The following M1AP variants were observed in gnomAD, a reference collection of about 807,000 sequenced individuals.
M1AP encodes meiosis 1 associated protein, also known as meiosis 1 arrest protein.
In M1AP, 39 loss-of-function variants were observed where a neutral mutation model predicts 51.2. The observed-to-expected ratio is 0.76, with a 90% CI of 0.59 to 1.00. The LOEUF is 1.00. Ranked by LOEUF, M1AP falls within the 50% of genes least tolerant of loss-of-function variation. The pLI, the probability that M1AP is intolerant of heterozygous loss-of-function variation, is 0.00. For missense variants in M1AP, 545 were observed against 641.2 expected (o/e 0.85, Z 1.62); for synonymous variants, 251 against 249.2 (o/e 1.01, Z -0.07).
intron 4 of M1AP, among the ~76,000 whole-genome samples, chr2:74,590,413 G>A (rs1679972638): frequency 7.3e-6 from 1 of 137,552 alleles, no homozygotes; most frequent in South Asian, 2.7e-4. Context: ...TCTATTTGGT[G>A]ATTAGATTTC....
chr2:74,635,135 TA>T, intron 2 of M1AP, among the ~76,000 whole-genome samples: 1 of 152,288 alleles, frequency 6.6e-6, no homozygotes, highest in Middle Eastern at 3.4e-3. Context: ...TTTCAAAATT[TA>T]AAAATTATGA....
intron 7 of M1AP, among the ~76,000 whole-genome samples, chr2:74,566,780 C>G (rs912779693): frequency 6.6e-6 from 1 of 152,142 alleles, no homozygotes; most frequent in African/African-American, 2.4e-5. Context: ...CTTTCCATCT[C>G]CCCACCCAGT....
chr2:74,643,824 GGGCTCAAGCAATCCTCCCACCTT>G (rs987812869), intron 1 of M1AP, among the ~76,000 whole-genome samples: 3 of 151,936 alleles, frequency 2.0e-5, no homozygotes, highest in African/African-American at 7.3e-5. Flanking sequence ...TCAAACTCCT[GGGCTCAAGCAATCCTCCCACCTT>G]GGCCTCCCAA....
intron 7 of M1AP, among the ~76,000 whole-genome samples, chr2:74,566,642 T>TGGGGGCCCCCCCCCCCCCCCCCCCC: frequency 7.8e-6 from 1 of 127,744 alleles, no homozygotes; most frequent in African/African-American, 2.9e-5. Flanking sequence ...CACCTGTCTA[T>TGGGGGCCCCCCCCCCCCCCCCCCCC]CCCCCCCACC....
At chr2:74,612,202 T>C (rs1039361865) in intron 3 of M1AP, among the ~76,000 whole-genome samples, 1 of 151,946 alleles carries the variant, frequency 6.6e-6, no homozygotes. Context: ...CCAGTTCTTT[T>C]TTCATTGAAC....
At chr2:74,607,714 T>G (rs576943141) in intron 3 of M1AP, among the ~76,000 whole-genome samples, 117 of 152,238 alleles carry the variant, frequency 7.7e-4, no homozygotes, top group Middle Eastern at 3.4e-3. Context: ...GACCTCGTGA[T>G]CCGCCCGCCC....
chr2:74,584,641 A>G (rs1236235593), intron 4 of M1AP, among the ~76,000 whole-genome samples: 1 of 151,312 alleles, frequency 6.6e-6, no homozygotes, highest in Non-Finnish European at 1.5e-5. Flanking sequence ...ATGCAAAGCC[A>G]TGTCCCATCA....
intron 2 of M1AP, among the ~76,000 whole-genome samples, chr2:74,622,374 G>T (rs1429099511): frequency 2.0e-5 from 3 of 151,870 alleles, no homozygotes; most frequent in Non-Finnish European, 4.4e-5. Context: ...GAGTAGCTGG[G>T]ATTATAGGTG....
At chr2:74,613,411 G>C (rs958357307) in intron 3 of M1AP, among the ~76,000 whole-genome samples, 1 of 152,164 alleles carries the variant, frequency 6.6e-6, no homozygotes, top group African/African-American at 2.4e-5. Context: ...AGGGATAGAG[G>C]GAGGGGAAGT....
intron 2 of M1AP, chr2:74,615,469 T>A (rs574454032): frequency 3.4e-6 from 1 of 292,768 alleles, no homozygotes; most frequent in African/African-American, 2.1e-5. Flanking sequence ...TGGGGTGACC[T>A]GCAAACTGGA....
intron 1 of M1AP, among the ~76,000 whole-genome samples, chr2:74,645,895 A>G (rs537793318): frequency 5.3e-5 from 8 of 152,236 alleles, no homozygotes; most frequent in Non-Finnish European, 8.8e-5. Flanking sequence ...GCATGGTTCA[A>G]GTATATAGAT....
Position 74,607,049 on chromosome 2 carries a change from T to G in M1AP, c.595+6A>C, listed in dbSNP as rs368334886. 274 of 1,611,794 alleles carry G rather than the reference T, an allele frequency of 1.7e-4. No homozygotes were observed. The highest frequency in any genetic ancestry group is 2.3e-4 in the Non-Finnish European group (268 of 1,178,762). On this transcript the variant is annotated splice_donor_region_variant and intron_variant, in intron 4 of 10. Coordinates refer to ENST00000421985, the MANE Select transcript of M1AP (RefSeq NM_001321739.2). The stretch of plus-strand genomic sequence containing the variant: ...AATTCTTTTTACCTTGTTAAAAAAT[T>G]CTTACCATCATTGCTGGTATCCTCA...
At chr2:74,645,416 G>A (rs1177887723) in intron 1 of M1AP, among the ~76,000 whole-genome samples, 2 of 152,206 alleles carry the variant, frequency 1.3e-5, no homozygotes, top group Non-Finnish European at 2.9e-5. Context: ...TATGAGTTTA[G>A]TTTTGATAGT....
chr2:74,558,997 G>A, intron 10 of M1AP, 123 bp from the exon 11 acceptor site: 2 of 948,194 alleles, frequency 2.1e-6, no homozygotes, highest in Non-Finnish European at 3.0e-6. Context: ...ACAGCCTCAA[G>A]GCCGAGGACA....
intron 3 of M1AP, among the ~76,000 whole-genome samples, chr2:74,613,177 T>C (rs1418175932): frequency 6.6e-6 from 1 of 152,254 alleles, no homozygotes; most frequent in Non-Finnish European, 1.5e-5. Context: ...TGCCCATATG[T>C]TCTTTCATTC....
At chr2:74,601,870 A>T (rs998644486) in intron 4 of M1AP, among the ~76,000 whole-genome samples, 3 of 152,136 alleles carry the variant, frequency 2.0e-5, no homozygotes, top group Non-Finnish European at 4.4e-5. Context: ...TCCTTAAGTC[A>T]TTTTTGTGAT....
intron 4 of M1AP, among the ~76,000 whole-genome samples, chr2:74,596,451 G>A (rs1446476890): frequency 2.0e-5 from 3 of 152,042 alleles, no homozygotes; most frequent in Non-Finnish European, 2.9e-5. Flanking sequence ...GCGTGGTGGC[G>A]GGCACCTGTA....
At chr2:74,570,506 A>G (rs895775951) in intron 7 of M1AP, among the ~76,000 whole-genome samples, 1 of 152,206 alleles carries the variant, frequency 6.6e-6, no homozygotes, top group African/African-American at 2.4e-5. Flanking sequence ...CCTATATTTA[A>G]AAACCTATTT....
chr2:74,638,288 A>G (rs1224967606), intron 2 of M1AP, among the ~76,000 whole-genome samples: 1 of 152,170 alleles, frequency 6.6e-6, no homozygotes, highest in Non-Finnish European at 1.5e-5. Flanking sequence ...TACTGACCTC[A>G]GGTGATCTGC....
Sources: allele counts gnomAD v4.1 joint callset (sites outside exome capture counted in the v4.1 genomes callset), GRCh38; gene constraint gnomAD v4.1.1; transcripts MANE v1.5; gene names NCBI Gene and HGNC (gene_info 2026-07-23, HGNC 2026-07-21).